Variants in SBNO1 observed in about 807,000 individuals in gnomAD.
SBNO1 encodes strawberry notch homolog 1, also known as protein strawberry notch homolog 1.
SBNO1 carries 23 observed loss-of-function variants against 173.6 expected under a neutral mutation model. That is an observed-to-expected ratio of 0.13 (90% CI 0.10 to 0.19). The LOEUF is 0.19. Ranked by LOEUF, SBNO1 falls within the 10% of genes least tolerant of loss-of-function variation. The pLI is 1.00. For missense variants in SBNO1, 1,238 were observed against 1,671.2 expected (o/e 0.74, Z 4.52); for synonymous variants, 632 against 571.5 (o/e 1.11, Z -1.51).
chr12:123,299,748 G>C (rs1428901471), intron 30 of SBNO1, among the ~76,000 whole-genome samples: 2 of 151,182 alleles, frequency 1.3e-5, no homozygotes, highest in Non-Finnish European at 2.9e-5. Context: ...AGCTACTCAG[G>C]TGGTTGAGGC....
chr12:123,300,938 G>A (rs572496673), intron 30 of SBNO1, among the ~76,000 whole-genome samples: 2 of 144,520 alleles, frequency 1.4e-5, no homozygotes, highest in South Asian at 2.2e-4. Context: ...CAGCCTGGGT[G>A]ACAGAGCAAG....
At chr12:123,324,729 A>C (rs1870410614) in intron 15 of SBNO1, among the ~76,000 whole-genome samples, 1 of 152,196 alleles carries the variant, frequency 6.6e-6, no homozygotes, top group Non-Finnish European at 1.5e-5. Context: ...GCAAACTAAA[A>C]ACAATGCCTA....
At chr12:123,300,328 T>C (rs1053996503) in intron 30 of SBNO1, among the ~76,000 whole-genome samples, 1 of 152,132 alleles carries the variant, frequency 6.6e-6, no homozygotes, top group Non-Finnish European at 1.5e-5. Flanking sequence ...CCCAAAGTGC[T>C]AGGAGCCACT....
At chr12:123,311,716 CTATCTATATATATATATATATA>C (rs1268436716) in intron 24 of SBNO1, among the ~76,000 whole-genome samples, 3 of 60,940 alleles carry the variant, frequency 4.9e-5, no homozygotes, top group East Asian at 3.6e-4. Flanking sequence ...ATCTATCTAT[CTATCTATATATATATATATATA>C]TATATATATA....
chr12:123,333,103 G>A (rs1411551928), intron 7 of SBNO1, among the ~76,000 whole-genome samples: 1 of 136,976 alleles, frequency 7.3e-6, no homozygotes, highest in East Asian at 2.1e-4. Flanking sequence ...CAGCCTGGAC[G>A]ACACAGTGAG....
chr12:123,319,822 G>GA (rs1321348684), intron 20 of SBNO1, 78 bp downstream of exon 20: 5 of 1,309,280 alleles, frequency 3.8e-6, no homozygotes, highest in Admixed American at 4.0e-5. Flanking sequence ...ATATTAAAAG[G>GA]AAAAAGACTC....
Position 123,291,711 on chromosome 12 carries a change from C to T in SBNO1, c.*4197G>A, listed in dbSNP as rs1036308678. 7 of 147,310 alleles carry T rather than the reference C, an allele frequency of 4.8e-5. No homozygotes were observed. Among genetic ancestry groups the T allele is most frequent in the African/African-American group, 1.7e-4 (7 of 40,212 alleles). 9.1% of individuals were successfully genotyped at this position (147,310 alleles called of 1,614,324 possible). A position where few individuals can be genotyped will look rare whatever the true frequency, so the allele number is the denominator to read the frequency against. ...AAAAAAAAAAAAAAGTCATAAGATG[C>T]CCCATATGGGAAAGTCAAGAAAAGA... On this transcript the variant is annotated 3_prime_UTR_variant, in exon 32 of 32. Transcript: ENST00000602398.
chr12:123,314,374 G>A (rs1036508085), intron 23 of SBNO1, among the ~76,000 whole-genome samples: 2 of 151,504 alleles, frequency 1.3e-5, no homozygotes, highest in Non-Finnish European at 2.9e-5. Context: ...TCTGTTGACA[G>A]GCTGGAGTGC....
chr12:123,306,562 A>G (rs1165719672), intron 28 of SBNO1, among the ~76,000 whole-genome samples: 1 of 152,164 alleles, frequency 6.6e-6, no homozygotes, highest in Non-Finnish European at 1.5e-5. Flanking sequence ...TTTAAAAATA[A>G]TAACCAAGAG....
intron 21 of SBNO1, among the ~76,000 whole-genome samples, chr12:123,316,737 A>G (rs1037434558): frequency 1.0e-4 from 11 of 109,298 alleles, no homozygotes; most frequent in African/African-American, 3.8e-4. Flanking sequence ...GAATCTCCCT[A>G]TGTTGCCCAG....
intron 8 of SBNO1, 34 bp from the exon 9 acceptor site, chr12:123,330,543 A>C: frequency 1.7e-6 from 2 of 1,167,840 alleles, no homozygotes; most frequent in South Asian, 1.3e-5. Flanking sequence ...AATTAAATAC[A>C]AATTATATCA....
intron 1 of SBNO1, among the ~76,000 whole-genome samples, chr12:123,353,928 C>G (rs1158043970): frequency 1.3e-5 from 2 of 152,254 alleles, no homozygotes; most frequent in East Asian, 1.9e-4. Context: ...GACCACAGAG[C>G]CCCTGCAGGC....
At chr12:123,297,227 T>C (rs1415798004) in intron 31 of SBNO1, among the ~76,000 whole-genome samples, 2 of 143,838 alleles carry the variant, frequency 1.4e-5, no homozygotes, top group African/African-American at 5.2e-5. Context: ...CCAGGTGTGG[T>C]GGTGCATGCC....
intron 5 of SBNO1, among the ~76,000 whole-genome samples, chr12:123,339,547 G>A (rs1368399979): frequency 1.3e-5 from 2 of 152,086 alleles, no homozygotes; most frequent in Non-Finnish European, 2.9e-5. Context: ...AGCACTTTGG[G>A]AGGCCGAGCT....
At position 123,344,385 on chromosome 12, in the gene SBNO1, A is replaced by G. The variant is rs75802181; in HGVS notation, c.550+873T>C. ...AGAGGAGAACCAAAAAACGAAAACC[A>G]AAAGACAAAAAACTACAGCCACAAG... On this transcript the variant is annotated intron_variant, in intron 4 of 31. Coordinates refer to ENST00000602398, the MANE Select transcript of SBNO1 (RefSeq NM_001167856.3). Among the ~76,000 whole-genome samples, 338 of 152,328 alleles carry G rather than the reference A, an allele frequency of 2.2e-3. 2 individuals carry two copies. Among genetic ancestry groups the G allele is most frequent in the African/African-American group, 7.8e-3 (324 of 41,584 alleles).
At chr12:123,340,581 C>CAAAAAAAA (rs752794679) in intron 5 of SBNO1, among the ~76,000 whole-genome samples, 4 of 46,818 alleles carry the variant, frequency 8.5e-5, no homozygotes, top group Non-Finnish European at 1.2e-4. Context: ...GACTCTGTCT[C>CAAAAAAAA]AAAAAAAAAA....
Position 123,309,202 on chromosome 12 carries a change from A to G in SBNO1, c.3630+108T>C, listed in dbSNP as rs548103012. The G allele has an allele frequency of 1.5e-4, 115 of 783,700 alleles. 1 individual carries two copies. The South Asian group carries it at 1.8e-3, about 12-fold the overall frequency. The allele number at this position is 783,700 out of a possible 1,614,324, so 48.5% of individuals were successfully genotyped here. A position where few individuals can be genotyped will look rare whatever the true frequency, so the allele number is the denominator to read the frequency against. On this transcript the variant is annotated intron_variant, in intron 28 of 31. Coordinates refer to ENST00000602398, the MANE Select transcript of SBNO1 (RefSeq NM_001167856.3). ...TTACAATGATAAATTACCAAAATAG[A>G]CAAAGCTAAACACAACTGGGAAACA...
chr12:123,319,923 GT>G lies in SBNO1; in HGVS notation c.2775del (p.Lys925AsnfsTer39). ...VPVEILNITE[K>X]QRFMDGDKNI... ...ACCTTATCTCCATCCATAAATCGTT[GT>G]TTTTCTGTGATGTTTAGTATTTCCA... On this transcript the variant is annotated frameshift_variant, in exon 20 of 32. Coordinates refer to ENST00000602398, the MANE Select transcript of SBNO1 (RefSeq NM_001167856.3). LOFTEE classifies it high-confidence loss of function. 6.2e-7 allele frequency: 1 copy of G among 1,613,820 alleles called. No individual in the cohort carries two copies. Among genetic ancestry groups the G allele is most frequent in the Non-Finnish European group, 8.5e-7 (1 of 1,179,832 alleles).
intron 16 of SBNO1, 124 bp from the exon 17 acceptor site, chr12:123,321,856 C>T: frequency 1.3e-6 from 1 of 776,154 alleles, no homozygotes; most frequent in East Asian, 2.6e-5. Context: ...TAGGTTAAGT[C>T]AAAAAACAAA....
Sources: gnomAD v4.1 joint callset for allele counts (sites outside exome capture counted in the v4.1 genomes callset) on GRCh38, gnomAD v4.1.1 for gene constraint, MANE v1.5 for transcripts, NCBI Gene and HGNC (gene_info 2026-07-23, HGNC 2026-07-21) for gene names.